Variants in WIPF1 observed in about 807,000 individuals in gnomAD.
WIPF1 encodes WAS/WASL interacting protein family member 1.
A neutral mutation model predicts 35.4 loss-of-function variants in WIPF1; 13 were observed. The observed-to-expected ratio is 0.37, with a 90% CI of 0.24 to 0.58. The LOEUF (loss-of-function observed/expected upper bound fraction) is 0.58. Ranked by LOEUF, WIPF1 falls within the 20% of genes least tolerant of loss-of-function variation. The pLI, the probability that WIPF1 is intolerant of heterozygous loss-of-function variation, is 0.74. For missense variants in WIPF1, 591 were observed against 667.0 expected (o/e 0.89, Z 1.25); for synonymous variants, 267 against 266.3 (o/e 1.00, Z -0.02).
At chr2:174,635,643 G>A (rs1317889550) in intron 1 of WIPF1, among the ~76,000 whole-genome samples, 1 of 149,776 alleles carries the variant, frequency 6.7e-6, no homozygotes, top group Non-Finnish European at 1.5e-5. Flanking sequence ...ATGATCTCCT[G>A]GACCAAGGGG....
intron 1 of WIPF1, chr2:174,673,709 T>G (rs1229454978): frequency 6.6e-6 from 1 of 152,186 alleles, no homozygotes; most frequent in Non-Finnish European, 1.5e-5. Context: ...GACACTGATC[T>G]GGACAATTCA....
At chr2:174,637,058 A>G (rs1687199399) in intron 1 of WIPF1, among the ~76,000 whole-genome samples, 2 of 152,204 alleles carry the variant, frequency 1.3e-5, no homozygotes, top group Non-Finnish European at 2.9e-5. Context: ...TCTCTTCTAC[A>G]TATTTATTAA....
At chr2:174,628,392 T>C (rs1200526617) in intron 1 of WIPF1, among the ~76,000 whole-genome samples, 3 of 152,162 alleles carry the variant, frequency 2.0e-5, no homozygotes, top group Admixed American at 2.0e-4. Context: ...CACACTCATG[T>C]CCACAAGATT....
intron 1 of WIPF1, among the ~76,000 whole-genome samples, chr2:174,660,209 G>A (rs1295226161): frequency 1.3e-5 from 2 of 152,220 alleles, no homozygotes; most frequent in Non-Finnish European, 2.9e-5. Flanking sequence ...GGAAACCACA[G>A]TGGGTGGAAT....
intron 1 of WIPF1, among the ~76,000 whole-genome samples, chr2:174,669,783 G>A (rs1687969340): frequency 6.6e-6 from 1 of 152,196 alleles, no homozygotes; most frequent in African/African-American, 2.4e-5. Context: ...AGCTGAGGCA[G>A]GAGAATCATT....
intron 1 of WIPF1, among the ~76,000 whole-genome samples, chr2:174,643,322 T>C (rs1327579375): frequency 6.7e-6 from 1 of 149,682 alleles, no homozygotes; most frequent in Non-Finnish European, 1.5e-5. Context: ...GTCTACTTGA[T>C]GAAATATTGA....
At chr2:174,584,650 G>A (rs1191010087) in intron 2 of WIPF1, among the ~76,000 whole-genome samples, 14 of 152,180 alleles carry the variant, frequency 9.2e-5, no homozygotes, top group Admixed American at 8.5e-4. Flanking sequence ...AGTGGCTCAC[G>A]CCTGTAATCC....
chr2:174,658,946 C>A (rs1687701122), intron 1 of WIPF1, among the ~76,000 whole-genome samples: 2 of 152,004 alleles, frequency 1.3e-5, no homozygotes, highest in South Asian at 2.1e-4. Context: ...TGTCCTCGGA[C>A]AAGTCATTTC....
rs778869219 is a variant in WIPF1 at position 174,571,305 on chromosome 2, AG to A, written c.1129+370del. The stretch of plus-strand genomic sequence containing the variant: ...TGGAATAACAGAGCCCTCCTGCGGG[AG>A]GTGGGGACTTATTTTCCCAATTAAG... On this transcript the variant is annotated intron_variant, in intron 5 of 7. Transcript: ENST00000679041. This position sits in a 1 kb window ranked among gnomAD's most constrained non-coding sequence, Gnocchi z 4.6. 2.0e-4 allele frequency: 96 copies of A among 484,252 alleles called. No individual in the cohort carries two copies. The highest frequency in any genetic ancestry group is 3.2e-4 in the Non-Finnish European group (88 of 274,098). The allele number at this position is 484,252 out of a possible 1,614,324, so 30.0% of individuals were successfully genotyped here. A position where few individuals can be genotyped will look rare whatever the true frequency, so the allele number is the denominator to read the frequency against.
At chr2:174,662,215 A>G (rs188808879) in intron 1 of WIPF1, among the ~76,000 whole-genome samples, 1 of 152,344 alleles carries the variant, frequency 6.6e-6, no homozygotes, top group East Asian at 1.9e-4. Flanking sequence ...TGTAAATGCT[A>G]TGAAAACGGT....
chr2:174,665,468 A>G (rs1687871683), intron 1 of WIPF1: 2 of 152,262 alleles, frequency 1.3e-5, no homozygotes, highest in Non-Finnish European at 2.9e-5. Context: ...CATTTCTAGG[A>G]CCATGAAATG....
chr2:174,658,396 G>C (rs1017116634), intron 1 of WIPF1, among the ~76,000 whole-genome samples: 8 of 152,176 alleles, frequency 5.3e-5, no homozygotes, highest in African/African-American at 1.9e-4. Flanking sequence ...TGATAAAAGT[G>C]AGCAAGTAAC....
chr2:174,563,094 C>CT (rs1337066497), intron 7 of WIPF1, among the ~76,000 whole-genome samples: 2 of 152,208 alleles, frequency 1.3e-5, no homozygotes, highest in Non-Finnish European at 2.9e-5. Context: ...ACACTACAGT[C>CT]TACCTAGTCA....
chr2:174,602,694 G>A (rs1328246368), upstream of WIPF1, among the ~76,000 whole-genome samples: 1 of 152,184 alleles, frequency 6.6e-6, no homozygotes, highest in African/African-American at 2.4e-5. Flanking sequence ...ATACAGGGTT[G>A]ATCATTTAAA....
At chr2:174,570,870 T>C (rs2105803243) in intron 5 of WIPF1, among the ~76,000 whole-genome samples, 1 of 152,362 alleles carries the variant, frequency 6.6e-6, no homozygotes, top group East Asian at 1.9e-4. Context: ...CCATAACCAC[T>C]ATAAAACGCA....
chr2:174,595,109 AAT>A (rs1158052520), intron 1 of WIPF1, among the ~76,000 whole-genome samples: 141 of 57,702 alleles, frequency 2.4e-3, no homozygotes, highest in Middle Eastern at 0.014. Flanking sequence ...AAAAAAAAAA[AAT>A]ATATATATAT....
At chr2:174,647,167 T>C (rs1048769380) in intron 1 of WIPF1, among the ~76,000 whole-genome samples, 2 of 151,634 alleles carry the variant, frequency 1.3e-5, no homozygotes, top group African/African-American at 2.4e-5. Context: ...AAACCAGGAG[T>C]TCAAGACTGG....
intron 1 of WIPF1, among the ~76,000 whole-genome samples, chr2:174,593,169 A>G (rs1685679416): frequency 6.6e-6 from 1 of 151,632 alleles, no homozygotes; most frequent in Non-Finnish European, 1.5e-5. Flanking sequence ...ACCAGAGGTA[A>G]CTCTTTGTTA....
chr2:174,659,281 G>C (rs1687708850), intron 1 of WIPF1, among the ~76,000 whole-genome samples: 2 of 152,246 alleles, frequency 1.3e-5, no homozygotes, highest in Non-Finnish European at 2.9e-5. Context: ...GCTCTCAACA[G>C]CTACTTTCAA....
Sources: gnomAD v4.1 joint callset for allele counts (sites outside exome capture counted in the v4.1 genomes callset) on GRCh38, gnomAD v4.1.1 for gene constraint, Gnocchi (gnomAD v3.1) non-coding constraint, MANE v1.5 for transcripts, NCBI Gene and HGNC (gene_info 2026-07-23, HGNC 2026-07-21) for gene names.